MYO9B: variants seen among roughly 807,000 people sequenced by gnomAD.
MYO9B encodes unconventional myosin-IXb.
MYO9B carries 71 observed loss-of-function variants against 229.5 expected under a neutral mutation model. That is an observed-to-expected ratio of 0.31 (90% CI 0.26 to 0.38). The LOEUF (loss-of-function observed/expected upper bound fraction) is 0.38, where lower values mean the gene tolerates loss of function less well. Among genes scored for constraint, MYO9B ranks in the 10% least tolerant of loss-of-function variants. The pLI, the probability that MYO9B is intolerant of heterozygous loss-of-function variation, is 1.00. For synonymous variants in MYO9B, 1,185 were observed against 1,235.8 expected (o/e 0.96, Z 0.86); for missense variants, 2,255 against 2,920.5 (o/e 0.77, Z 5.25).
intron 35 of MYO9B, 93 bp downstream of exon 35, chr19:17,207,337 A>C (rs1470152721): frequency 1.4e-5 from 21 of 1,498,228 alleles, no homozygotes; most frequent in Non-Finnish European, 1.9e-5. Context: ...ATAAATGTGT[A>C]AGAAAAGTCC....
chr19:17,185,663 TC>T (rs1294946112), intron 17 of MYO9B, among the ~76,000 whole-genome samples: 2 of 151,064 alleles, frequency 1.3e-5, no homozygotes, highest in Admixed American at 6.6e-5. Flanking sequence ...GCCCCAGCCT[TC>T]CACCTGAGGC....
chr19:17,212,372 GAGC>G lies in MYO9B; in HGVS notation c.*63_*65del. 7.1e-7 allele frequency: 1 copy of G among 1,405,112 alleles called. No homozygotes were observed. The highest frequency in any genetic ancestry group is 9.3e-7 in the Non-Finnish European group (1 of 1,079,550). The allele number at this position is 1,405,112 out of a possible 1,614,324, so 87.0% of individuals were successfully genotyped here. ...GCCCCTGCACTGGAGCTGGGCGCCAGAGCTGCAGAGCTAGTGTTCGGCCCTCAG... is the reference window on the plus strand; with the variant it reads ...GCCCCTGCACTGGAGCTGGGCGCCAGTGCAGAGCTAGTGTTCGGCCCTCAG... On this transcript the variant is annotated 3_prime_UTR_variant, in exon 40 of 40. Transcript: ENST00000682292. This position sits in a 1 kb window ranked among gnomAD's most constrained non-coding sequence, Gnocchi z 5.4.
intron 9 of MYO9B, 119 bp downstream of exon 9, chr19:17,162,585 T>C: frequency 1.2e-6 from 1 of 862,888 alleles, no homozygotes; most frequent in Non-Finnish European, 1.8e-6. Flanking sequence ...CAAGAGGCTG[T>C]TTCCCCACAA....
chr19:17,205,437 C>A, intron 31 of MYO9B, 101 bp downstream of exon 31: 1 of 1,176,280 alleles, frequency 8.5e-7, no homozygotes, highest in Non-Finnish European at 1.3e-6. Context: ...AAGCATTGAG[C>A]AGCCAGTAGG....
chr19:17,121,262 G>A (rs1452691774), intron 2 of MYO9B, among the ~76,000 whole-genome samples: 1 of 151,854 alleles, frequency 6.6e-6, no homozygotes, highest in Non-Finnish European at 1.5e-5. Context: ...TAACACACCC[G>A]CTTACTTGTA....
chr19:17,119,713 G>A (rs189487462), intron 2 of MYO9B, among the ~76,000 whole-genome samples: 2 of 152,086 alleles, frequency 1.3e-5, no homozygotes, highest in Non-Finnish European at 2.9e-5. Flanking sequence ...GTGCAGTGGC[G>A]CAATCTCAGC....
chr19:17,126,390 G>A (rs1265766588), intron 2 of MYO9B, among the ~76,000 whole-genome samples: 1 of 152,124 alleles, frequency 6.6e-6, no homozygotes, highest in Non-Finnish European at 1.5e-5. Flanking sequence ...GAACCATGTC[G>A]GGGATCCCCG....
Position 17,200,666 on chromosome 19 carries a change from C to T in MYO9B, c.4400C>T (p.Ala1467Val). Residue 1467 changes from alanine to valine, a missense_variant, in exon 26 of 40, where the codon GCT (alanine) becomes GTT (valine). By Grantham distance (64) the Ala-to-Val change is moderately conservative. Coordinates refer to ENST00000682292, the MANE Select transcript of MYO9B (RefSeq NM_004145.4). ...EAPSGQQHRH[A>V]AGEKRTKEPG... ...CCCTCCGGACAGCAGCATCGCCACG[C>T]TGCAGGTGAGAAGCGCACCAAGGAA... 1 of 1,613,960 alleles carries T rather than the reference C, an allele frequency of 6.2e-7. No homozygotes were observed. Among genetic ancestry groups the T allele is most frequent in the South Asian group, 1.1e-5 (1 of 91,086 alleles).
intron 17 of MYO9B, among the ~76,000 whole-genome samples, chr19:17,185,429 T>A (rs183673010): frequency 4.1e-5 from 6 of 146,664 alleles, no homozygotes; most frequent in Non-Finnish European, 7.5e-5. Context: ...ACCTGTAATC[T>A]CAGCTCCTTG....
intron 1 of MYO9B, among the ~76,000 whole-genome samples, chr19:17,099,535 G>A (rs377399782): frequency 3.9e-5 from 6 of 152,060 alleles, no homozygotes; most frequent in African/African-American, 7.2e-5. Context: ...TTGAGCTTAG[G>A]AGTTCAAGGC....
chr19:17,090,480 C>T (rs1346863381), intron 1 of MYO9B, among the ~76,000 whole-genome samples: 1 of 152,188 alleles, frequency 6.6e-6, no homozygotes, highest in Non-Finnish European at 1.5e-5. Flanking sequence ...AAATAATATT[C>T]TGTTGGATGA....
chr19:17,198,398 A>C, intron 24 of MYO9B, 90 bp downstream of exon 24: 2 of 1,538,688 alleles, frequency 1.3e-6, no homozygotes, highest in Non-Finnish European at 1.8e-6. Flanking sequence ...TCCTAAACCA[A>C]TCACGTTTAC....
chr19:17,094,319 G>A (rs574603134), intron 1 of MYO9B, among the ~76,000 whole-genome samples: 1 of 152,226 alleles, frequency 6.6e-6, no homozygotes, highest in Non-Finnish European at 1.5e-5. Context: ...ACAGGCGTGA[G>A]CCACCACGCT....
intron 2 of MYO9B, among the ~76,000 whole-genome samples, chr19:17,122,076 A>G (rs1366532232): frequency 6.6e-6 from 1 of 152,182 alleles, no homozygotes; most frequent in Non-Finnish European, 1.5e-5. Flanking sequence ...CTCAAGATGA[A>G]ACCTTTCCAA....
rs1362736632 is a variant in MYO9B, at chr19:17,198,190, G to T, written c.4120G>T (p.Ala1374Ser). Residue 1374 changes from alanine (A) to serine (S), a missense_variant, in exon 24 of 40, where the codon GCA becomes TCA. Coordinates refer to ENST00000682292, the MANE Select transcript of MYO9B (RefSeq NM_004145.4). ...LPSLAKAQPAAETTDGERSAK... is the reference protein window; with the variant it reads ...LPSLAKAQPASETTDGERSAK... ...CCACTGCACCGTCTTGCAGCCTGCAGCAGAAACCACGGACGGAGAGCGAAG... is the reference window on the plus strand; with the variant it reads ...CCACTGCACCGTCTTGCAGCCTGCATCAGAAACCACGGACGGAGAGCGAAG... The T allele has an allele frequency of 6.2e-7, 1 of 1,613,830 alleles. No individual in the cohort carries two copies. Among genetic ancestry groups the T allele is most frequent in the Admixed American group, 1.7e-5 (1 of 60,012 alleles).
intron 19 of MYO9B, among the ~76,000 whole-genome samples, chr19:17,188,827 A>G (rs2072948459): frequency 6.6e-6 from 1 of 152,066 alleles, no homozygotes. Context: ...AGCCTGGACA[A>G]CATAGTGAGA....
At chr19:17,179,259 T>C (rs1464898961) in intron 14 of MYO9B, among the ~76,000 whole-genome samples, 2 of 152,002 alleles carry the variant, frequency 1.3e-5, no homozygotes, top group African/African-American at 2.4e-5. Context: ...TGAGAACTGC[T>C]GTGTTCAAAC....
At chr19:17,171,354 A>T (rs988119542) in intron 11 of MYO9B, among the ~76,000 whole-genome samples, 2 of 151,982 alleles carry the variant, frequency 1.3e-5, no homozygotes, top group Non-Finnish European at 2.9e-5. Context: ...CCCGGAGCAC[A>T]ACAGAGCCCT....
chr19:17,145,431 A>G lies in MYO9B; in HGVS notation c.875A>G (p.Asn292Ser). 1 of 1,613,748 alleles carries G rather than the reference A, an allele frequency of 6.2e-7. No individual in the cohort carries two copies. Among genetic ancestry groups the G allele is most frequent in the Non-Finnish European group, 8.5e-7 (1 of 1,179,842 alleles). Residue 292 changes from asparagine (N) to serine (S), a missense_variant, in exon 3 of 40, where the codon AAC becomes AGC. Asn to Ser is a conservative substitution (Grantham distance 46). This residue lies in a region of MYO9B where 386 missense variants were observed against 515.2 expected (regional missense o/e 0.75). Coordinates refer to ENST00000682292, the MANE Select transcript of MYO9B (RefSeq NM_004145.4). ...FGNAKTAHNN[N>S]SSRFGKFIQV... ...AATGCCAAGACAGCCCACAACAACA[A>G]CTCCAGCCGGTTTGGGAAATTCATC...
Sources: gnomAD v4.1 joint callset for allele counts (sites outside exome capture counted in the v4.1 genomes callset) on GRCh38, gnomAD v4.1.1 for gene constraint, gnomAD v4.1.1 regional missense constraint, Gnocchi (gnomAD v3.1) non-coding constraint, MANE v1.5 for transcripts, NCBI Gene and HGNC (gene_info 2026-07-23, HGNC 2026-07-21) for gene names.